The following QSER1 variants were observed in gnomAD, a reference collection of about 807,000 sequenced individuals.
QSER1 encodes glutamine and serine-rich protein 1.
In QSER1, 49 loss-of-function variants were observed where a neutral mutation model predicts 158.5. The observed-to-expected ratio is 0.31, with a 90% CI of 0.25 to 0.39. QSER1 has a LOEUF of 0.39. QSER1 is among the 10% of genes least tolerant of loss of function. QSER1 has a pLI of 1.00. For synonymous variants in QSER1, 650 were observed against 715.5 expected (o/e 0.91, Z 1.46); for missense variants, 1,754 against 2,010.3 (o/e 0.87, Z 2.44).
In QSER1 at chr11:32,930,260, C is replaced by T. The variant is rs112916324; in HGVS notation, c.485-1483C>T. Among the ~76,000 whole-genome samples the T allele has an allele frequency of 4.6e-3, 705 of 152,286 alleles. 5 individuals carry two copies. In the Middle Eastern group the frequency reaches 0.058, roughly 12 times the overall value. On this transcript the variant is annotated intron_variant, in intron 3 of 12. Coordinates refer to ENST00000650167, the MANE Select transcript of QSER1 (RefSeq NM_001076786.3). The stretch of plus-strand genomic sequence containing the variant: ...ACCCTCAGCAAGTCACATCACCTGT[C>T]AACCCCAGTTTCCTAATTGCTAGAA...
chr11:32,936,848 G>A (rs996305938), intron 4 of QSER1, among the ~76,000 whole-genome samples: 17 of 152,154 alleles, frequency 1.1e-4, no homozygotes, highest in African/African-American at 4.1e-4. Flanking sequence ...GAGACAGCTG[G>A]TATCCAAATA....
intron 10 of QSER1, among the ~76,000 whole-genome samples, chr11:32,969,574 G>C (rs1852813473): frequency 6.6e-6 from 1 of 151,782 alleles, no homozygotes; most frequent in African/African-American, 2.4e-5. Context: ...ATATAAGTTG[G>C]TTTTGGTGTT....
At chr11:32,917,813 C>G (rs569507848) in intron 1 of QSER1, among the ~76,000 whole-genome samples, 38 of 109,332 alleles carry the variant, frequency 3.5e-4, no homozygotes, top group African/African-American at 1.2e-3. Flanking sequence ...CAATGTGAGA[C>G]TCTGTCTCAA....
chr11:32,939,948 A>G (rs1011828917), intron 4 of QSER1, among the ~76,000 whole-genome samples: 1 of 124,358 alleles, frequency 8.0e-6, no homozygotes, highest in African/African-American at 3.0e-5. Context: ...GAAGACTGAG[A>G]TTTTTTTTTT....
intron 1 of QSER1, among the ~76,000 whole-genome samples, chr11:32,904,801 A>G (rs1471209247): frequency 6.6e-6 from 1 of 152,040 alleles, no homozygotes; most frequent in Non-Finnish European, 1.5e-5. Flanking sequence ...AGTACCCTCA[A>G]AAGAATGGTA....
intron 4 of QSER1, among the ~76,000 whole-genome samples, chr11:32,941,627 A>G (rs544992533): frequency 1.3e-5 from 2 of 152,128 alleles, no homozygotes; most frequent in South Asian, 4.2e-4. Flanking sequence ...AATCCAGTCT[A>G]TCATTGTAGG....
At chr11:32,910,685 G>A (rs1254099375) in intron 1 of QSER1, among the ~76,000 whole-genome samples, 2 of 152,170 alleles carry the variant, frequency 1.3e-5, no homozygotes, top group Admixed American at 6.5e-5. Flanking sequence ...CCTTAGAAAT[G>A]TTCTGCAGCT....
Position 32,893,007 on chromosome 11 carries a change from G to A in QSER1, c.-119G>A, listed in dbSNP as rs1230258464. On this transcript the variant is annotated 5_prime_UTR_variant, in exon 1 of 13. Coordinates refer to ENST00000650167, the MANE Select transcript of QSER1 (RefSeq NM_001076786.3). This position sits in a 1 kb window ranked among gnomAD's most constrained non-coding sequence, Gnocchi z 4.7. ...CTCGCCGGGGCCATGTGAGGGGGCA[G>A]CTCCCTCCACCGCCGCCGCCCCCTC... 6.8e-6 allele frequency among the ~76,000 whole-genome samples: 1 copy of A among 147,794 alleles called. No homozygotes were observed. Among genetic ancestry groups the A allele is most frequent in the East Asian group, 2.0e-4 (1 of 5,066 alleles).
Position 32,921,236 on chromosome 11 carries a change from C to T in QSER1, c.210-5921C>T, listed in dbSNP as rs372618473. Among the ~76,000 whole-genome samples, 74 of 152,198 alleles carry T rather than the reference C, an allele frequency of 4.9e-4. 1 individual carries two copies. In the South Asian group the frequency reaches 0.015, roughly 31 times the overall value. On this transcript the variant is annotated intron_variant, in intron 1 of 12. Coordinates refer to ENST00000650167, the MANE Select transcript of QSER1 (RefSeq NM_001076786.3). ...TTGAAAACATATTTAGTGAAAGAAG[C>T]CAGTCATAAAAGGCCACAGGTAGTA...
chr11:32,927,892 T>C (rs1275934633), intron 2 of QSER1, 70 bp from the exon 3 acceptor site: 1 of 449,302 alleles, frequency 2.2e-6, no homozygotes, highest in Admixed American at 4.0e-5. Context: ...TAAAATAGAG[T>C]CAGGAATATA....
intron 1 of QSER1, among the ~76,000 whole-genome samples, chr11:32,905,084 A>G (rs2133497761): frequency 6.6e-6 from 1 of 152,342 alleles, no homozygotes; most frequent in African/African-American, 2.4e-5. Flanking sequence ...CTGTAAGTTA[A>G]CAACTCTTTA....
intron 8 of QSER1, among the ~76,000 whole-genome samples, chr11:32,958,745 G>T (rs1013385251): frequency 1.3e-5 from 2 of 152,080 alleles, no homozygotes; most frequent in African/African-American, 2.4e-5. Context: ...TAGGAAAGGG[G>T]CACTCAAATT....
intron 1 of QSER1, among the ~76,000 whole-genome samples, chr11:32,925,688 C>T (rs1298593439): frequency 6.6e-6 from 1 of 151,750 alleles, no homozygotes; most frequent in African/African-American, 2.4e-5. Context: ...CCACCACGCC[C>T]AGCTAATTTT....
At chr11:32,955,960 A>G (rs745772071) in intron 6 of QSER1, 28 bp from the exon 7 acceptor site, 10 of 1,584,888 alleles carry the variant, frequency 6.3e-6, no homozygotes, top group East Asian at 2.3e-5. Context: ...TTGTTCAATT[A>G]TGTAACTCAA....
rs781221571 is a variant in QSER1 at position 32,932,761 on chromosome 11, G to T, written c.1503G>T (p.Leu501Phe). 1.2e-6 allele frequency: 2 copies of T among 1,614,022 alleles called. No individual in the cohort carries two copies. The highest frequency in any genetic ancestry group is 1.7e-6 in the Non-Finnish European group (2 of 1,179,976). Residue 501 changes from leucine (L) to phenylalanine (F), a missense_variant, in exon 4 of 13, where the codon TTG (leucine) becomes TTT (phenylalanine). Transcript: ENST00000650167. Reference sequence around the variant, plus strand: ...GCAAGGTTGAGAAATTGCCACCCTTGTATAAAACATTGACTTTTTCTGGGT... The same window carrying T: ...GCAAGGTTGAGAAATTGCCACCCTTTTATAAAACATTGACTTTTTCTGGGT... ...RSSKVEKLPP[L>F]YKTLTFSGSS...
At chr11:32,940,387 T>A (rs1487127543) in intron 4 of QSER1, among the ~76,000 whole-genome samples, 7 of 152,192 alleles carry the variant, frequency 4.6e-5, no homozygotes, top group Admixed American at 4.6e-4. Context: ...TATTTTAATC[T>A]GTTGAAAGAT....
rs1479149182 is a variant in QSER1 at position 32,934,583 on chromosome 11, C to A, written c.3325C>A (p.Gln1109Lys). The A allele has an allele frequency of 1.2e-6, 2 of 1,613,500 alleles. No homozygotes were observed. Among genetic ancestry groups the A allele is most frequent in the Non-Finnish European group, 1.7e-6 (2 of 1,179,932 alleles). ...QEQSSGPFKK[Q>K]SATNLESEED... Reference sequence around the variant, plus strand: ...GCAAAGTTCTGGCCCATTCAAGAAACAGTCTGCTACCAATCTTGAATCTGA... The same window carrying A: ...GCAAAGTTCTGGCCCATTCAAGAAAAAGTCTGCTACCAATCTTGAATCTGA... Residue 1109 changes from glutamine to lysine, a missense_variant, in exon 4 of 13, where the codon CAG becomes AAG. Around this residue, in one of 2 missense-constraint regions of QSER1, gnomAD observed 1,707 missense variants for 1,919.6 expected, o/e 0.89. Coordinates refer to ENST00000650167, the MANE Select transcript of QSER1 (RefSeq NM_001076786.3).
At position 32,932,801 on chromosome 11, in the gene QSER1, A is replaced by C. The variant is rs1852071889; in HGVS notation, c.1543A>C (p.Thr515Pro). 6.2e-7 allele frequency: 1 copy of C among 1,613,894 alleles called. No homozygotes were observed. The highest frequency in any genetic ancestry group is 8.5e-7 in the Non-Finnish European group (1 of 1,179,912). ...TTTTTCTGGGTCATCTCAGACTGTAACTCCTGAAAATCAGACGCTTAATTA... is the reference window on the plus strand; with the variant it reads ...TTTTTCTGGGTCATCTCAGACTGTACCTCCTGAAAATCAGACGCTTAATTA... Reference protein sequence around the residue: ...LTFSGSSQTVTPENQTLNYSS... With the variant: ...LTFSGSSQTVPPENQTLNYSS... The change falls in exon 4 of 13, where the codon ACT (threonine) becomes CCT (proline). Residue 515 changes from threonine to proline, a missense_variant. Coordinates refer to ENST00000650167, the MANE Select transcript of QSER1 (RefSeq NM_001076786.3).
chr11:32,958,840 T>C (rs11032067), intron 8 of QSER1, among the ~76,000 whole-genome samples: 5,750 of 152,290 alleles, frequency 0.038, 374 homozygotes, highest in African/African-American at 0.13. Flanking sequence ...TAGCTAATCA[T>C]GTACCTATAA....
Sources: allele counts gnomAD v4.1 joint callset (sites outside exome capture counted in the v4.1 genomes callset), GRCh38; gene constraint gnomAD v4.1.1; regional missense constraint gnomAD v4.1.1; non-coding constraint Gnocchi (gnomAD v3.1); transcripts MANE v1.5; gene names NCBI Gene and HGNC (gene_info 2026-07-23, HGNC 2026-07-21).